The following SAMD9L variants were observed in gnomAD, a reference collection of about 807,000 sequenced individuals.
SAMD9L encodes the protein sterile alpha motif domain containing 9 like, also known as sterile alpha motif domain-containing protein 9-like.
In SAMD9L, 68 loss-of-function variants were observed where a neutral mutation model predicts 90.7. The observed-to-expected ratio is 0.75, with a 90% CI of 0.62 to 0.92. The LOEUF (loss-of-function observed/expected upper bound fraction) is 0.92. Among genes scored for constraint, SAMD9L ranks in the 40% least tolerant of loss-of-function variants. The pLI is 0.00. For missense variants in SAMD9L, 1,604 were observed against 1,824.3 expected (o/e 0.88, Z 2.20); for synonymous variants, 640 against 630.1 (o/e 1.02, Z -0.23).
In SAMD9L at chr7:93,131,442, C is replaced by T. The variant is rs267601631; in HGVS notation, c.4530G>A (p.Gly1510=). Residue 1510 remains glycine, a synonymous_variant, in exon 5 of 5, where the codon GGG becomes GGA. Transcript: ENST00000318238. ...TGACTTCATTTTTTTTCCACACATC[C>T]CCACTGTGCCAGAGGGAATTTGTAT... ...AQNTNSLWHS[G]DVWKKNEVKD... is the part of the protein sequence containing the mutation. The T allele has an allele frequency of 6.2e-7, 1 of 1,613,752 alleles. No individual in the cohort carries two copies. The highest frequency in any genetic ancestry group is 1.3e-5 in the African/African-American group (1 of 75,002).
At position 93,131,342 on chromosome 7, in the gene SAMD9L, T is replaced by C. The variant is rs770020425; in HGVS notation, c.4630A>G (p.Ile1544Val). Reference sequence around the variant, plus strand: ...TAAACAGATATTACTGGTATTTTTATTTTTTCCTCTGTTCCATATTCTACA... The same window carrying C: ...TAAACAGATATTACTGGTATTTTTACTTTTTCCTCTGTTCCATATTCTACA... ...ISVEYGTEEK[I>V]KIPVISVYSG... The change falls in exon 5 of 5, where the codon ATA becomes GTA. Residue 1544 changes from isoleucine to valine, a missense_variant. Ile to Val is a conservative substitution (Grantham distance 29, BLOSUM62 3). This residue lies in a region of SAMD9L where 282 missense variants were observed against 329.6 expected (regional missense o/e 0.86). Coordinates refer to ENST00000318238, the MANE Select transcript of SAMD9L (RefSeq NM_152703.5). 2 of 1,613,644 alleles carry C rather than the reference T, an allele frequency of 1.2e-6. No homozygotes were observed. The highest frequency in any genetic ancestry group is 1.7e-6 in the Non-Finnish European group (2 of 1,179,778).
rs1792095922 is a variant in SAMD9L, at chr7:93,131,537, C to G, written c.4435G>C (p.Gly1479Arg). ...SKQASTLFYL[G>R]KRKGLNSIVH... ...ATACTGTTTAGACCCTTCCTTTTGC[C>G]CAGATAGAAAAGTGTGCTTGCCTGC... The change falls in exon 5 of 5, where the codon GGC (glycine) becomes CGC (arginine). Residue 1479 changes from glycine to arginine, a missense_variant. Gly to Arg is a moderately radical substitution (Grantham distance 125). Coordinates refer to ENST00000318238, the MANE Select transcript of SAMD9L (RefSeq NM_152703.5). 1.9e-6 allele frequency: 3 copies of G among 1,613,894 alleles called. No homozygotes were observed. Among genetic ancestry groups the G allele is most frequent in the Non-Finnish European group, 2.5e-6 (3 of 1,179,886 alleles).
Position 93,134,790 on chromosome 7 carries a change from T to C in SAMD9L, c.1182A>G (p.Glu394=). The change falls in exon 5 of 5, where the codon GAA becomes GAG. Residue 394 remains glutamate (E), a synonymous_variant. Transcript: ENST00000318238. ...YGMKAMKKES[E]GLKLVKLLIG... is the part of the protein sequence containing the mutation. Reference sequence around the variant, plus strand: ...TGAGAAGTTTAACCAGCTTTAGTCCTTCACTCTCCTTCTTCATTGCCTTCA... The same window carrying C: ...TGAGAAGTTTAACCAGCTTTAGTCCCTCACTCTCCTTCTTCATTGCCTTCA... 1 of 1,613,436 alleles carries C rather than the reference T, an allele frequency of 6.2e-7. No homozygotes were observed. The highest frequency in any genetic ancestry group is 8.5e-7 in the Non-Finnish European group (1 of 1,179,896).
rs775036034 is a variant in SAMD9L at position 93,132,873 on chromosome 7, A to G, written c.3099T>C (p.His1033=). Reference sequence around the variant, plus strand: ...TTGTAAGCAGAAGAGTTTGAACATCATGTTGAAATTTGTCTCTTCCTATTC... The same window carrying G: ...TTGTAAGCAGAAGAGTTTGAACATCGTGTTGAAATTTGTCTCTTCCTATTC... ...DSGIGRDKFQ[H]DVQTLLLTRQ... The change falls in exon 5 of 5, where the codon CAT becomes CAC. Residue 1033 remains histidine (H), a synonymous_variant. Coordinates refer to ENST00000318238, the MANE Select transcript of SAMD9L (RefSeq NM_152703.5). 6.2e-7 allele frequency: 1 copy of G among 1,613,772 alleles called. No individual in the cohort carries two copies. Among genetic ancestry groups the G allele is most frequent in the South Asian group, 1.1e-5 (1 of 91,080 alleles).
At chr7:93,140,679 C>G (rs1219665395) in intron 4 of SAMD9L, among the ~76,000 whole-genome samples, 3 of 152,244 alleles carry the variant, frequency 2.0e-5, no homozygotes, top group Admixed American at 6.5e-5. Flanking sequence ...ACCCATCAAC[C>G]TGCGTCTTCA....
rs1792202322 is a variant in SAMD9L, at chr7:93,132,915, A to G, written c.3057T>C (p.Asn1019=). The G allele has an allele frequency of 1.2e-6, 2 of 1,613,370 alleles. No individual in the cohort carries two copies. Among genetic ancestry groups the G allele is most frequent in the African/African-American group, 2.7e-5 (2 of 74,900 alleles). Residue 1019 remains asparagine, a synonymous_variant, in exon 5 of 5, where the codon AAT becomes AAC. Coordinates refer to ENST00000318238, the MANE Select transcript of SAMD9L (RefSeq NM_152703.5). ...TTCCTATTCCAGAATCATAGAATAA[A>G]TTCTCTTCTAATATATTCAATGCAA... ...CQIALNILEE[N]LFYDSGIGRD...
At position 93,133,364 on chromosome 7, in the gene SAMD9L, C is replaced by G; in HGVS notation, c.2608G>C (p.Gly870Arg). The G allele has an allele frequency of 6.2e-7, 1 of 1,613,494 alleles. No homozygotes were observed. The highest frequency in any genetic ancestry group is 8.5e-7 in the Non-Finnish European group (1 of 1,179,630). Reference protein sequence around the residue: ...QLSSKEQRAFGAKLKEIEKQH... With the variant: ...QLSSKEQRAFRAKLKEIEKQH... ...TTTTCAATTTCCTTCAGTTTGGCAC[C>G]AAAAGCTCTTTGTTCCTTGGAAGAA... Residue 870 changes from glycine to arginine, a missense_variant, in exon 5 of 5, where the codon GGT becomes CGT. Transcript: ENST00000318238.
In SAMD9L at chr7:93,131,842, G is replaced by T; in HGVS notation, c.4130C>A (p.Thr1377Lys). The T allele has an allele frequency of 1.2e-6, 2 of 1,612,384 alleles. No homozygotes were observed. Among genetic ancestry groups the T allele is most frequent in the Non-Finnish European group, 1.7e-6 (2 of 1,179,844 alleles). The change falls in exon 5 of 5, where the codon ACA becomes AAA. Residue 1377 changes from threonine (T) to lysine (K), a missense_variant. This residue lies in a region of SAMD9L where 282 missense variants were observed against 329.6 expected (regional missense o/e 0.86). Coordinates refer to ENST00000318238, the MANE Select transcript of SAMD9L (RefSeq NM_152703.5). The stretch of plus-strand genomic sequence containing the variant: ...CAAAATGGAATTTTGTTTCTCATTT[G>T]TCATGGGCTTTTTTGAGTTTTGCTG... Reference protein sequence around the residue: ...LLQQNSKKPMTNEKQNSILAN... With the variant: ...LLQQNSKKPMKNEKQNSILAN...
intron 4 of SAMD9L, among the ~76,000 whole-genome samples, chr7:93,137,687 T>C (rs1049381128): frequency 1.3e-5 from 2 of 151,778 alleles, no homozygotes; most frequent in African/African-American, 4.8e-5. Flanking sequence ...GGACTGCTGT[T>C]TTAAATGATT....
chr7:93,132,511 T>C lies in SAMD9L; in HGVS notation c.3461A>G (p.Glu1154Gly). The change falls in exon 5 of 5, where the codon GAA becomes GGA. Residue 1154 changes from glutamate to glycine, a missense_variant. By Grantham distance (98) the Glu-to-Gly change is moderately conservative (BLOSUM62 -2). This residue lies in a region of SAMD9L where 302 missense variants were observed against 314.7 expected (regional missense o/e 0.96). Transcript: ENST00000318238. ...AGCTCTTGAGGCTTTTTCCGCAGCT[T>C]CTAGGAGATGTGTTAGGTCATTAAC... The part of the protein sequence containing the change: ...ITVNDLTHLL[E>G]AAEKASRAFK... 6.2e-7 allele frequency: 1 copy of C among 1,613,972 alleles called. No individual in the cohort carries two copies. The highest frequency in any genetic ancestry group is 8.5e-7 in the Non-Finnish European group (1 of 1,179,858).
In SAMD9L at chr7:93,135,758, A is replaced by G. The variant is rs1328606469; in HGVS notation, c.214T>C (p.Tyr72His). 1 of 1,613,932 alleles carries G rather than the reference A, an allele frequency of 6.2e-7. No homozygotes were observed. Among genetic ancestry groups the G allele is most frequent in the East Asian group, 2.2e-5 (1 of 44,858 alleles). ...WGPALLIKRS[Y>H]NKLNSKSPES... is the part of the protein sequence containing the mutation. ...GGGGACTTACTATTCAATTTGTTGT[A>G]TGAACGTTTTATCAAAAGTGCTGGA... is the stretch of plus-strand genomic sequence containing the variant. The change falls in exon 5 of 5, where the codon TAC (tyrosine) becomes CAC (histidine). Residue 72 changes from tyrosine (Y) to histidine (H), a missense_variant. Coordinates refer to ENST00000318238, the MANE Select transcript of SAMD9L (RefSeq NM_152703.5).
Position 93,132,505 on chromosome 7 carries a change from G to A in SAMD9L, c.3467C>T (p.Ala1156Val), listed in dbSNP as rs374886942. 7.4e-6 allele frequency: 12 copies of A among 1,613,614 alleles called. No homozygotes were observed. The highest frequency in any genetic ancestry group is 3.3e-5 in the Admixed American group (2 of 59,932). The change falls in exon 5 of 5, where the codon GCG becomes GTG. Residue 1156 changes from alanine to valine, a missense_variant. Coordinates refer to ENST00000318238, the MANE Select transcript of SAMD9L (RefSeq NM_152703.5). Reference sequence around the variant, plus strand: ...TTTGAAAGCTCTTGAGGCTTTTTCCGCAGCTTCTAGGAGATGTGTTAGGTC... The same window carrying A: ...TTTGAAAGCTCTTGAGGCTTTTTCCACAGCTTCTAGGAGATGTGTTAGGTC... ...VNDLTHLLEA[A>V]EKASRAFKES...
chr7:93,136,062 A>G, intron 4 of SAMD9L, 71 bp from the exon 5 acceptor site: 3 of 959,530 alleles, frequency 3.1e-6, no homozygotes, highest in Non-Finnish European at 4.4e-6. Context: ...ACAATTATGT[A>G]TACATTATCA....
Position 93,130,982 on chromosome 7 carries a change from T to C in SAMD9L, c.*235A>G. 2.5e-6 allele frequency: 1 copy of C among 392,368 alleles called. No homozygotes were observed. The allele number at this position is 392,368 out of a possible 1,614,324, so 24.3% of individuals were successfully genotyped here. Reference sequence around the variant, plus strand: ...ATATCAATGAAACTTCTTAATTATTTGAGTCTGAAAATGCATATTTAAAAC... The same window carrying C: ...ATATCAATGAAACTTCTTAATTATTCGAGTCTGAAAATGCATATTTAAAAC... On this transcript the variant is annotated 3_prime_UTR_variant, in exon 5 of 5. Coordinates refer to ENST00000318238, the MANE Select transcript of SAMD9L (RefSeq NM_152703.5).
Position 93,131,424 on chromosome 7 carries a change from A to G in SAMD9L, c.4548T>C (p.Asn1516=), listed in dbSNP as rs1357668409. ...GACGACGCAGGAGGTCTTTGACTTC[A>G]TTTTTTTTCCACACATCCCCACTGT... is the stretch of plus-strand genomic sequence containing the variant. ...LWHSGDVWKK[N]EVKDLLRRLT... is the part of the protein sequence containing the mutation. Residue 1516 remains asparagine, a synonymous_variant, in exon 5 of 5, where the codon AAT becomes AAC. Coordinates refer to ENST00000318238, the MANE Select transcript of SAMD9L (RefSeq NM_152703.5). 10 of 1,613,234 alleles carry G rather than the reference A, an allele frequency of 6.2e-6. No individual in the cohort carries two copies. The highest frequency in any genetic ancestry group is 8.5e-6 in the Non-Finnish European group (10 of 1,179,726).
At position 93,134,077 on chromosome 7, in the gene SAMD9L, C is replaced by A. The variant is rs752559764; in HGVS notation, c.1895G>T (p.Arg632Ile). The A allele has an allele frequency of 1.9e-6, 3 of 1,613,924 alleles. No homozygotes were observed. The highest frequency in any genetic ancestry group is 2.5e-6 in the Non-Finnish European group (3 of 1,179,878). Reference protein sequence around the residue: ...LKLKSVTRSSRRFLPARGSSS... With the variant: ...LKLKSVTRSSIRFLPARGSSS... ...AGATCCACGGGCGGGCAAAAACCTTCTTGATGACCGAGTCACCGATTTTAG... is the reference window on the plus strand; with the variant it reads ...AGATCCACGGGCGGGCAAAAACCTTATTGATGACCGAGTCACCGATTTTAG... The change falls in exon 5 of 5, where the codon AGA becomes ATA. Residue 632 changes from arginine to isoleucine, a missense_variant. By Grantham distance (97) the Arg-to-Ile change is moderately conservative. Transcript: ENST00000318238.
intron 4 of SAMD9L, among the ~76,000 whole-genome samples, chr7:93,143,734 T>C (rs139435997): frequency 8.5e-5 from 13 of 152,372 alleles, no homozygotes; most frequent in African/African-American, 2.9e-4. Context: ...GAAGCTATTA[T>C]GTATTCAATA....
rs1792041598 is a variant in SAMD9L, at chr7:93,130,568, A to G, written c.*649T>C. On this transcript the variant is annotated 3_prime_UTR_variant, in exon 5 of 5. Coordinates refer to ENST00000318238, the MANE Select transcript of SAMD9L (RefSeq NM_152703.5). ...ATTCACCTGTAAATGGGAACAAGAGAATGGAGAGAGTTCAAGTTTATGATT... is the reference window on the plus strand; with the variant it reads ...ATTCACCTGTAAATGGGAACAAGAGGATGGAGAGAGTTCAAGTTTATGATT... The G allele has an allele frequency of 1.3e-5, 2 of 152,102 alleles. No homozygotes were observed. Among genetic ancestry groups the G allele is most frequent in the South Asian group, 4.1e-4 (2 of 4,832 alleles). The allele number at this position is 152,102 out of a possible 1,614,324, so 9.4% of individuals were successfully genotyped here.
chr7:93,135,281 A>G lies in SAMD9L; in HGVS notation c.691T>C (p.Ser231Pro). 2 of 1,614,158 alleles carry G rather than the reference A, an allele frequency of 1.2e-6. No homozygotes were observed. Among genetic ancestry groups the G allele is most frequent in the Non-Finnish European group, 1.7e-6 (2 of 1,180,004 alleles). The change falls in exon 5 of 5, where the codon TCA becomes CCA. Residue 231 changes from serine (S) to proline (P), a missense_variant. By Grantham distance (74) the Ser-to-Pro change is moderately conservative. This residue lies in a region of SAMD9L where 374 missense variants were observed against 363.6 expected (regional missense o/e 1.03). Transcript: ENST00000318238. The stretch of plus-strand genomic sequence containing the variant: ...AAATGGATGGTGCCATTGGTGCGTG[A>G]ATTCATACAAGCTGATGCAAATCGG... ...VFRFASACMN[S>P]RTNGTIHFGV... is the part of the protein sequence containing the mutation.
Sources: allele counts gnomAD v4.1 joint callset (sites outside exome capture counted in the v4.1 genomes callset), GRCh38; gene constraint gnomAD v4.1.1; regional missense constraint gnomAD v4.1.1; transcripts MANE v1.5; gene names NCBI Gene and HGNC (gene_info 2026-07-23, HGNC 2026-07-21).